The following IFT88 variants were observed in gnomAD, a reference collection of about 807,000 sequenced individuals.
The protein encoded by IFT88 is intraflagellar transport 88.
IFT88 carries 74 observed loss-of-function variants against 119.5 expected under a neutral mutation model. The ratio of observed to expected loss-of-function variants is 0.62; its 90% CI spans 0.51 to 0.75. IFT88 has a LOEUF of 0.75. IFT88 is among the 30% of genes least tolerant of loss of function. The pLI is 0.00. For synonymous variants in IFT88, 279 were observed against 316.7 expected (o/e 0.88, Z 1.26); for missense variants, 961 against 977.7 (o/e 0.98, Z 0.23).
At chr13:20,585,891 C>T (rs939920853) in intron 3 of IFT88, among the ~76,000 whole-genome samples, 8 of 152,208 alleles carry the variant, frequency 5.3e-5, no homozygotes, top group African/African-American at 1.9e-4. Context: ...ACCATAGGCT[C>T]TGAGTCCTTG....
At chr13:20,636,737 C>T (rs781526565) in intron 16 of IFT88, among the ~76,000 whole-genome samples, 1 of 152,240 alleles carries the variant, frequency 6.6e-6, no homozygotes, top group Non-Finnish European at 1.5e-5. Flanking sequence ...TTGCCTGCTA[C>T]GTAGTCCAAA....
intron 3 of IFT88, among the ~76,000 whole-genome samples, chr13:20,587,402 C>T (rs1242905333): frequency 1.3e-5 from 2 of 152,062 alleles, no homozygotes. Flanking sequence ...AGACTACAGG[C>T]GTGAGCCACC....
At chr13:20,681,808 C>T (rs2057350948) in intron 24 of IFT88, among the ~76,000 whole-genome samples, 1 of 152,238 alleles carries the variant, frequency 6.6e-6, no homozygotes, top group African/African-American at 2.4e-5. Flanking sequence ...CAAAAGCAGT[C>T]AGCACCTCAA....
At chr13:20,671,100 G>A (rs2055777199) in intron 24 of IFT88, 61 bp downstream of exon 24, 3 of 1,320,228 alleles carry the variant, frequency 2.3e-6, no homozygotes, top group Non-Finnish European at 3.3e-6. Context: ...GTGGGCTTCT[G>A]GAAACATCTT....
chr13:20,637,349 C>A (rs575586282), intron 16 of IFT88, among the ~76,000 whole-genome samples: 6 of 152,208 alleles, frequency 3.9e-5, no homozygotes, highest in Admixed American at 3.9e-4. Flanking sequence ...GGAAAAGGGG[C>A]ATGGGAATTT....
At chr13:20,607,859 T>C in intron 13 of IFT88, 1 of 720,598 alleles carries the variant, frequency 1.4e-6, no homozygotes, top group South Asian at 1.3e-5. Context: ...CTGATCATGC[T>C]GCCCAACCCA....
At chr13:20,570,851 T>C (rs2036212773) in intron 1 of IFT88, among the ~76,000 whole-genome samples, 1 of 152,148 alleles carries the variant, frequency 6.6e-6, no homozygotes, top group Non-Finnish European at 1.5e-5. Flanking sequence ...GTATGGTATA[T>C]GAATTATAGT....
intron 21 of IFT88, among the ~76,000 whole-genome samples, chr13:20,655,830 C>CT (rs2052683355): frequency 6.6e-6 from 1 of 152,140 alleles, no homozygotes. Flanking sequence ...TATTTTCCAA[C>CT]TAAATGAATG....
intron 3 of IFT88, among the ~76,000 whole-genome samples, chr13:20,588,925 C>T (rs532547579): frequency 3.7e-4 from 56 of 152,240 alleles, no homozygotes; most frequent in Middle Eastern, 3.4e-3. Context: ...GGAGGATTAC[C>T]GGGGCTGCGT....
intron 23 of IFT88, among the ~76,000 whole-genome samples, chr13:20,668,154 G>C (rs1001145392): frequency 6.6e-6 from 1 of 152,156 alleles, no homozygotes; most frequent in Non-Finnish European, 1.5e-5. Flanking sequence ...TCAGCTGCTG[G>C]GCCAGCCCTG....
chr13:20,597,754 A>ATATATATATATATATATATATAT (rs1555262657), intron 9 of IFT88, among the ~76,000 whole-genome samples: 1 of 142,594 alleles, frequency 7.0e-6, no homozygotes, highest in South Asian at 2.2e-4. Context: ...TCAAAAAAAA[A>ATATATATATATATATATATATAT]ATATATATAT....
At chr13:20,626,582 T>C (rs1352876932) in intron 15 of IFT88, among the ~76,000 whole-genome samples, 1 of 152,202 alleles carries the variant, frequency 6.6e-6, no homozygotes, top group Admixed American at 6.5e-5. Context: ...TTTGGTTTCC[T>C]CATTGACACT....
Position 20,567,216 on chromosome 13 carries a change from C to G in IFT88, c.-47C>G, listed in dbSNP as rs1466723126. The G allele has an allele frequency of 2.0e-5, 3 of 152,336 alleles. No individual in the cohort carries two copies. Among genetic ancestry groups the G allele is most frequent in the Admixed American group, 6.5e-5 (1 of 15,290 alleles). The allele number at this position is 152,336 out of a possible 1,614,324, so 9.4% of individuals were successfully genotyped here. On this transcript the variant is annotated 5_prime_UTR_variant, in exon 1 of 26. Transcript: ENST00000351808. Reference sequence around the variant, plus strand: ...CGCTTTGGCCAACCGCTGCGTCGTCCCTGGGCCCGAATAACTGTCGCCCGC... The same window carrying G: ...CGCTTTGGCCAACCGCTGCGTCGTCGCTGGGCCCGAATAACTGTCGCCCGC...
chr13:20,643,486 A>G lies in IFT88; in HGVS notation c.1714A>G (p.Ile572Val). 6.2e-7 allele frequency: 1 copy of G among 1,607,596 alleles called. No homozygotes were observed. Among genetic ancestry groups the G allele is most frequent in the Non-Finnish European group, 8.5e-7 (1 of 1,178,150 alleles). Residue 572 changes from isoleucine to valine, a missense_variant, in exon 19 of 26, where the codon ATT (isoleucine) becomes GTT (valine). Ile to Val is a conservative substitution (Grantham distance 29). Coordinates refer to ENST00000351808, the MANE Select transcript of IFT88 (RefSeq NM_006531.5). ...YELMENPSQA[I>V]EWLMQVVSVI... ...ATTAATGGAAAATCCCAGTCAAGCT[A>G]TTGAATGGCTAATGCAGGTGGTCAG...
intron 23 of IFT88, among the ~76,000 whole-genome samples, chr13:20,666,192 C>T (rs1345603800): frequency 1.3e-5 from 2 of 152,146 alleles, no homozygotes; most frequent in Admixed American, 6.5e-5. Context: ...GGATGTTTAC[C>T]TTTCTGGACT....
At chr13:20,677,200 T>G (rs549321793) in intron 24 of IFT88, among the ~76,000 whole-genome samples, 1 of 152,342 alleles carries the variant, frequency 6.6e-6, no homozygotes, top group East Asian at 1.9e-4. Context: ...ACTTGAGTAT[T>G]GCCTATACAG....
intron 8 of IFT88, among the ~76,000 whole-genome samples, chr13:20,596,612 A>G (rs1026369716): frequency 1.3e-5 from 2 of 152,190 alleles, no homozygotes; most frequent in African/African-American, 4.8e-5. Flanking sequence ...CTACTATCAA[A>G]TATTTTTTCC....
chr13:20,589,409 T>A lies in IFT88; in HGVS notation c.154-402T>A, dbSNP rs553319306. On this transcript the variant is annotated intron_variant, in intron 3 of 25. Coordinates refer to ENST00000351808, the MANE Select transcript of IFT88 (RefSeq NM_006531.5). Reference sequence around the variant, plus strand: ...TGAGAAAACTGTAGGTTCAAAGAGATTAAATAAAGGTATCTGTTATAGGGA... The same window carrying A: ...TGAGAAAACTGTAGGTTCAAAGAGAATAAATAAAGGTATCTGTTATAGGGA... Among the ~76,000 whole-genome samples the A allele has an allele frequency of 2.0e-5, 3 of 152,322 alleles. No individual in the cohort carries two copies. The South Asian group carries it at 6.2e-4, about 32-fold the overall frequency.
At chr13:20,577,415 A>G (rs1352494418) in intron 2 of IFT88, among the ~76,000 whole-genome samples, 1 of 152,162 alleles carries the variant, frequency 6.6e-6, no homozygotes, top group Non-Finnish European at 1.5e-5. Context: ...CAGTGGTGAC[A>G]GTGGTCATCC....
Sources: allele counts gnomAD v4.1 joint callset (sites outside exome capture counted in the v4.1 genomes callset), GRCh38; gene constraint gnomAD v4.1.1; transcripts MANE v1.5; gene names NCBI Gene and HGNC (gene_info 2026-07-23, HGNC 2026-07-21).